Variants in SLC2A11 observed in about 807,000 individuals in gnomAD.
The protein encoded by SLC2A11 is solute carrier family 2 member 11.
SLC2A11 carries 43 observed loss-of-function variants against 52.1 expected under a neutral mutation model. That is an observed-to-expected ratio of 0.82 (90% CI 0.65 to 1.06). The LOEUF (loss-of-function observed/expected upper bound fraction) is 1.06, where lower values mean the gene tolerates loss of function less well. SLC2A11 is among the 50% of genes least tolerant of loss of function. The pLI, the probability that SLC2A11 is intolerant of heterozygous loss-of-function variation, is 0.00. For synonymous variants in SLC2A11, 261 were observed against 277.6 expected (o/e 0.94, Z 0.59); for missense variants, 582 against 654.2 (o/e 0.89, Z 1.20).
At position 23,877,881 on chromosome 22, in the gene SLC2A11, TC is replaced by T. The variant is rs750233392; in HGVS notation, c.694+14del. The stretch of plus-strand genomic sequence containing the variant: ...GGCCTGCCTGGCAGGTGAGTCTCTG[TC>T]CTTGGGCTCCCAGACTGCCCTTGAC... On this transcript the variant is annotated intron_variant, in intron 6 of 11. Coordinates refer to ENST00000316185, the MANE Select transcript of SLC2A11 (RefSeq NM_001024939.4). The T allele has an allele frequency of 1.2e-6, 2 of 1,603,812 alleles. No homozygotes were observed. Among genetic ancestry groups the T allele is most frequent in the Non-Finnish European group, 1.7e-6 (2 of 1,175,174 alleles).
upstream of SLC2A11, chr22:23,857,584 C>T (rs1213437451): frequency 1.1e-5 from 16 of 1,489,000 alleles, no homozygotes; most frequent in Admixed American, 1.1e-4. Flanking sequence ...CAAACCCCCC[C>T]CCCGCGGCGG....
intron 1 of SLC2A11, among the ~76,000 whole-genome samples, chr22:23,860,777 G>A (rs1317327694): frequency 4.0e-5 from 6 of 150,002 alleles, no homozygotes; most frequent in African/African-American, 1.5e-4. Flanking sequence ...CCACCTCCTG[G>A]GTTCAAGCAG....
chr22:23,857,928 G>C lies in SLC2A11; in HGVS notation c.-72G>C. 5.7e-6 allele frequency: 9 copies of C among 1,590,214 alleles called. No homozygotes were observed. Among genetic ancestry groups the C allele is most frequent in the Middle Eastern group, 2.3e-4 (1 of 4,414 alleles). On this transcript the variant is annotated 5_prime_UTR_variant, in exon 1 of 12. Transcript: ENST00000316185. ...CCCTTCCCTCCGCGCACAGGCTGCCGGCTCACCGCTTGCTAATGGCAGCCG... is the reference window on the plus strand; with the variant it reads ...CCCTTCCCTCCGCGCACAGGCTGCCCGCTCACCGCTTGCTAATGGCAGCCG...
At chr22:23,878,729 C>T (rs2032706556) in intron 6 of SLC2A11, among the ~76,000 whole-genome samples, 1 of 152,206 alleles carries the variant, frequency 6.6e-6, no homozygotes, top group African/African-American at 2.4e-5. Flanking sequence ...GCAATTATTA[C>T]TTATGTCTCT....
At chr22:23,863,620 T>TTC (rs2032155759) in intron 2 of SLC2A11, among the ~76,000 whole-genome samples, 2 of 141,166 alleles carry the variant, frequency 1.4e-5, no homozygotes, top group African/African-American at 5.3e-5. Context: ...TTTTTTTTTT[T>TTC]TTTTTTTTTT....
intron 3 of SLC2A11, chr22:23,870,273 A>C (rs1356321567): frequency 1.8e-6 from 1 of 543,350 alleles, no homozygotes; most frequent in Non-Finnish European, 3.2e-6. Context: ...GAAATTAAAA[A>C]TTCAAGTTTA....
At position 23,857,935 on chromosome 22, in the gene SLC2A11, C is replaced by T. The variant is rs2031913307; in HGVS notation, c.-65C>T. 2 of 1,592,870 alleles carry T rather than the reference C, an allele frequency of 1.3e-6. No individual in the cohort carries two copies. The highest frequency in any genetic ancestry group is 2.3e-5 in the South Asian group (2 of 87,624). On this transcript the variant is annotated 5_prime_UTR_variant, in exon 1 of 12. Transcript: ENST00000316185. Reference sequence around the variant, plus strand: ...CTCCGCGCACAGGCTGCCGGCTCACCGCTTGCTAATGGCAGCCGGGGTCTC... The same window carrying T: ...CTCCGCGCACAGGCTGCCGGCTCACTGCTTGCTAATGGCAGCCGGGGTCTC...
At chr22:23,879,888 T>C (rs1164448320) in intron 6 of SLC2A11, 1 of 152,258 alleles carries the variant, frequency 6.6e-6, no homozygotes, top group Non-Finnish European at 1.5e-5. Flanking sequence ...GTGCTGCTTT[T>C]GATGGTTGAG....
chr22:23,863,585 C>T (rs1272493394), intron 2 of SLC2A11, among the ~76,000 whole-genome samples: 1 of 150,440 alleles, frequency 6.6e-6, no homozygotes, highest in Admixed American at 6.7e-5. Flanking sequence ...GGCTGTCCTG[C>T]CCCTGTTTTT....
At chr22:23,867,372 A>AT (rs1199087258) in intron 2 of SLC2A11, 2 of 152,106 alleles carry the variant, frequency 1.3e-5, no homozygotes, top group African/African-American at 5.1e-5. Flanking sequence ...TTTTTTTTGT[A>AT]TTTTTAGTAG....
chr22:23,857,636 C>T (rs2031893657), upstream of SLC2A11: 13 of 1,157,186 alleles, frequency 1.1e-5, no homozygotes, highest in Non-Finnish European at 1.5e-5. Flanking sequence ...CCCAGCACCC[C>T]CAGCCCTTCT....
intron 2 of SLC2A11, chr22:23,867,368 T>G (rs1180448582): frequency 1.2e-5 from 2 of 163,104 alleles, no homozygotes; most frequent in African/African-American, 4.8e-5. Context: ...TTTTTTTTTT[T>G]TGTATTTTTA....
rs375165032 is a variant in SLC2A11, at chr22:23,868,774, T to C, written c.290+133T>C. The C allele has an allele frequency of 5.2e-4, 567 of 1,084,940 alleles. 3 individuals are homozygous for C. The East Asian group carries it at 6.5e-3, about 12-fold the overall frequency. 67.2% of individuals were successfully genotyped at this position (1,084,940 alleles called of 1,614,324 possible). On this transcript the variant is annotated intron_variant, in intron 3 of 11. Transcript: ENST00000316185. ...ATCAGCTCCTCATCCAGCCTCTTAC[T>C]CTGCCTGGAGTTTCACCTTGCAAGA... is the stretch of plus-strand genomic sequence containing the variant.
chr22:23,878,291 G>A (rs1403739778), intron 6 of SLC2A11, among the ~76,000 whole-genome samples: 2 of 148,248 alleles, frequency 1.3e-5, no homozygotes, highest in African/African-American at 2.5e-5. Flanking sequence ...TTTTATTCAT[G>A]TACTTGCCTG....
chr22:23,864,536 T>G (rs1478484416), intron 2 of SLC2A11, among the ~76,000 whole-genome samples: 2 of 151,790 alleles, frequency 1.3e-5, no homozygotes, highest in African/African-American at 4.8e-5. Context: ...GCCAGGCTGG[T>G]CTCAAACTCC....
In SLC2A11 at chr22:23,884,420, C is replaced by T; in HGVS notation, c.1290C>T (p.Pro430=). The stretch of plus-strand genomic sequence containing the variant: ...TCATCCTGGTCGGCCTGGGATTTCC[C>T]TTTATCATGGTAGGCCCGCCCCTCC... ...IMLILVGLGF[P]FIMEALSHFL... The change falls in exon 11 of 12, where the codon CCC becomes CCT. Residue 430 remains proline (P), a synonymous_variant. Transcript: ENST00000316185. This position sits in a 1 kb window ranked among gnomAD's most constrained non-coding sequence, Gnocchi z 4.3. 6.2e-7 allele frequency: 1 copy of T among 1,613,668 alleles called. No individual in the cohort carries two copies. Among genetic ancestry groups the T allele is most frequent in the Non-Finnish European group, 8.5e-7 (1 of 1,179,788 alleles).
chr22:23,868,726 G>A (rs1489329034), intron 3 of SLC2A11, 85 bp downstream of exon 3: 2 of 1,527,920 alleles, frequency 1.3e-6, no homozygotes, highest in East Asian at 4.5e-5. Flanking sequence ...AGAAGGAAGA[G>A]GCCCGGCAAG....
intron 1 of SLC2A11, among the ~76,000 whole-genome samples, chr22:23,861,290 CAAAAAAAAA>C (rs56138210): frequency 1.1e-4 from 4 of 35,618 alleles, no homozygotes; most frequent in Admixed American, 5.8e-4. Flanking sequence ...GACTCAGTCT[CAAAAAAAAA>C]AAAAAAAAAA....
chr22:23,883,093 C>G, intron 8 of SLC2A11: 2 of 600,808 alleles, frequency 3.3e-6, no homozygotes, highest in Non-Finnish European at 6.0e-6. Flanking sequence ...ACCCCCGTCT[C>G]TACTAAAAAA....
Sources: allele counts gnomAD v4.1 joint callset (sites outside exome capture counted in the v4.1 genomes callset), GRCh38; gene constraint gnomAD v4.1.1; non-coding constraint Gnocchi (gnomAD v3.1); transcripts MANE v1.5; gene names NCBI Gene and HGNC (gene_info 2026-07-23, HGNC 2026-07-21).